ERC2: variants seen among roughly 807,000 people sequenced by gnomAD.
The protein encoded by ERC2 is ERC protein 2.
In ERC2, 42 loss-of-function variants were observed where a neutral mutation model predicts 114.8. The ratio of observed to expected loss-of-function variants is 0.37; its 90% CI spans 0.29 to 0.47. The LOEUF is 0.47. ERC2 is among the 20% of genes least tolerant of loss of function. The pLI, the probability that ERC2 is intolerant of heterozygous loss-of-function variation, is 0.99. For synonymous variants in ERC2, 454 were observed against 425.5 expected, an observed-to-expected ratio of 1.07 and a Z score of -0.82; for missense variants, 939 against 1,150.7, an observed-to-expected ratio of 0.82 and a Z score of 2.66.
At chr3:56,214,950 C>G (rs189729756) in intron 3 of ERC2, among the ~76,000 whole-genome samples, 5 of 152,280 alleles carry the variant, frequency 3.3e-5, no homozygotes, top group Admixed American at 3.3e-4. Context: ...GCTGAGAGAT[C>G]TTGTCATCAC....
intron 14 of ERC2, among the ~76,000 whole-genome samples, chr3:55,752,486 A>T (rs923913800): frequency 2.0e-5 from 3 of 152,154 alleles, no homozygotes; most frequent in Non-Finnish European, 2.9e-5. Flanking sequence ...GGCCTGTTTC[A>T]AGATAATTGA....
At chr3:55,770,999 C>T (rs2068159773) in intron 14 of ERC2, among the ~76,000 whole-genome samples, 2 of 152,160 alleles carry the variant, frequency 1.3e-5, no homozygotes, top group Admixed American at 6.5e-5. Flanking sequence ...GGCTGTATAG[C>T]ATTCTATGGT....
chr3:56,452,576 A>G (rs6762742), intron 1 of ERC2, among the ~76,000 whole-genome samples: 10,108 of 152,290 alleles, frequency 0.066, 639 homozygotes, highest in African/African-American at 0.16. Context: ...TACAATTTAA[A>G]GTATCATTAC....
At chr3:55,673,341 T>C (rs1019850147) in intron 17 of ERC2, among the ~76,000 whole-genome samples, 1 of 152,124 alleles carries the variant, frequency 6.6e-6, no homozygotes, top group African/African-American at 2.4e-5. Context: ...TCCCAGCACT[T>C]TGGGAGGCCG....
intron 14 of ERC2, among the ~76,000 whole-genome samples, chr3:55,794,936 A>T (rs1027827916): frequency 6.6e-6 from 1 of 152,150 alleles, no homozygotes; most frequent in African/African-American, 2.4e-5. Flanking sequence ...TGTCATTTTC[A>T]CTTTGCTTCA....
chr3:56,328,815 C>T, intron 2 of ERC2, among the ~76,000 whole-genome samples: 1 of 152,168 alleles, frequency 6.6e-6, no homozygotes, highest in Non-Finnish European at 1.5e-5. Flanking sequence ...AAGCTGCACA[C>T]TTCATCAACA....
At chr3:55,597,436 T>A (rs1384217293) in intron 17 of ERC2, among the ~76,000 whole-genome samples, 20 of 128,340 alleles carry the variant, frequency 1.6e-4, no homozygotes, top group Non-Finnish European at 2.1e-4. Context: ...AAAAAAAAAA[T>A]GATTTTAGAA....
chr3:55,901,512 C>T (rs1224105227), intron 13 of ERC2, among the ~76,000 whole-genome samples: 1 of 152,182 alleles, frequency 6.6e-6, no homozygotes, highest in Non-Finnish European at 1.5e-5. Flanking sequence ...GTATTCTTTG[C>T]CGCACAGTCC....
At chr3:56,317,273 G>A (rs73088525) in intron 2 of ERC2, among the ~76,000 whole-genome samples, 1,819 of 152,256 alleles carry the variant, frequency 0.012, 28 homozygotes, top group South Asian at 0.043. Context: ...AAGGGCACGG[G>A]CAAAGGCACA....
chr3:56,385,210 G>A (rs1276944197), intron 2 of ERC2, among the ~76,000 whole-genome samples: 1 of 151,926 alleles, frequency 6.6e-6, no homozygotes, highest in Non-Finnish European at 1.5e-5. Context: ...CAAGATCAAG[G>A]TGCCAGCAGA....
chr3:56,233,250 T>C (rs1383203044), intron 3 of ERC2, among the ~76,000 whole-genome samples: 1 of 152,228 alleles, frequency 6.6e-6, no homozygotes, highest in Admixed American at 6.5e-5. Flanking sequence ...TTCATTTTGG[T>C]CACCATTGTA....
intron 3 of ERC2, among the ~76,000 whole-genome samples, chr3:56,202,463 A>C (rs2048460338): frequency 6.6e-6 from 1 of 151,694 alleles, no homozygotes; most frequent in Admixed American, 6.6e-5. Flanking sequence ...GAGAGTTTGC[A>C]AACATAATAG....
At chr3:56,444,123 G>A (rs2062451036) in intron 1 of ERC2, among the ~76,000 whole-genome samples, 1 of 150,128 alleles carries the variant, frequency 6.7e-6, no homozygotes, top group Non-Finnish European at 1.5e-5. Flanking sequence ...CACCACACCT[G>A]GCTAATTTTT....
At chr3:56,203,622 T>C (rs556499745) in intron 3 of ERC2, among the ~76,000 whole-genome samples, 1 of 152,262 alleles carries the variant, frequency 6.6e-6, no homozygotes, top group East Asian at 1.9e-4. Flanking sequence ...ATATCAGGGA[T>C]TGAGTATCCC....
chr3:56,025,385 C>T (rs2073975751), intron 7 of ERC2, among the ~76,000 whole-genome samples: 1 of 152,160 alleles, frequency 6.6e-6, no homozygotes, highest in Non-Finnish European at 1.5e-5. Context: ...TCTCACAAAG[C>T]TAATATAAAG....
intron 7 of ERC2, among the ~76,000 whole-genome samples, chr3:56,060,029 C>T (rs1018197798): frequency 2.0e-5 from 3 of 152,218 alleles, no homozygotes; most frequent in African/African-American, 7.2e-5. Context: ...GGTTCCTCAG[C>T]TGACTAATGA....
chr3:56,205,725 C>G (rs1575820618), intron 3 of ERC2, among the ~76,000 whole-genome samples: 1 of 152,168 alleles, frequency 6.6e-6, no homozygotes, highest in African/African-American at 2.4e-5. Context: ...CTTGAGAAAA[C>G]AAATCCACTT....
chr3:55,584,576 G>A (rs2107580684), intron 17 of ERC2, among the ~76,000 whole-genome samples: 1 of 152,196 alleles, frequency 6.6e-6, no homozygotes, highest in African/African-American at 2.4e-5. Context: ...GAGATGGTGA[G>A]GCATTGGGGA....
intron 3 of ERC2, among the ~76,000 whole-genome samples, chr3:56,249,063 T>C (rs1172609773): frequency 6.6e-6 from 1 of 152,228 alleles, no homozygotes; most frequent in Non-Finnish European, 1.5e-5. Flanking sequence ...CCAAATGTAT[T>C]TGAACATGAG....
Sources: allele counts gnomAD v4.1 joint callset (sites outside exome capture counted in the v4.1 genomes callset), GRCh38; gene constraint gnomAD v4.1.1; transcripts MANE v1.5; gene names NCBI Gene and HGNC (gene_info 2026-07-23, HGNC 2026-07-21).